Variants in HTRA4 observed in about 807,000 individuals in gnomAD.
HTRA4 encodes the protein serine protease HTRA4.
A neutral mutation model predicts 49.1 loss-of-function variants in HTRA4; 46 were observed. That is an observed-to-expected ratio of 0.94 (90% confidence interval 0.74 to 1.20). HTRA4 has a LOEUF of 1.20. Ranked by LOEUF, HTRA4 falls within the 50% of genes most tolerant of loss-of-function variation. The pLI is 0.00. For synonymous variants in HTRA4, 261 were observed against 264.0 expected (o/e 0.99, Z 0.11); for missense variants, 602 against 636.9 (o/e 0.95, Z 0.59).
At chr8:38,983,708 A>C (rs1266767093) in intron 8 of HTRA4, among the ~76,000 whole-genome samples, 1 of 151,936 alleles carries the variant, frequency 6.6e-6, no homozygotes. Flanking sequence ...TCTATTTAAA[A>C]ATTTTTAAAA....
intron 8 of HTRA4, among the ~76,000 whole-genome samples, chr8:38,983,525 CAA>C (rs1232805925): frequency 6.8e-6 from 1 of 146,666 alleles, no homozygotes; most frequent in African/African-American, 2.5e-5. Context: ...GACTCCACCT[CAA>C]AAAAAAAAAT....
chr8:38,979,195 T>G lies in HTRA4; in HGVS notation c.967-20T>G. On this transcript the variant is annotated intron_variant, in intron 4 of 8. Transcript: ENST00000302495. ...GTATTCATTAGCTTCACTGATGTCTTTTTCAAATTCTGCTTTTAGTATGGG... is the reference window on the plus strand; with the variant it reads ...GTATTCATTAGCTTCACTGATGTCTGTTTCAAATTCTGCTTTTAGTATGGG... 6.2e-7 allele frequency: 1 copy of G among 1,609,202 alleles called. No homozygotes were observed. Among genetic ancestry groups the G allele is most frequent in the Middle Eastern group, 1.7e-4 (1 of 6,060 alleles).
chr8:38,975,071 C>A lies in HTRA4; in HGVS notation c.507C>A (p.Phe169Leu), dbSNP rs758420397. 6.2e-6 allele frequency: 10 copies of A among 1,613,960 alleles called. No individual in the cohort carries two copies. The highest frequency in any genetic ancestry group is 1.7e-6 in the Non-Finnish European group (2 of 1,180,034). The part of the protein sequence containing the change: ...SAGPLRRNYN[F>L]IAAVVEKVAP... Reference sequence around the variant, plus strand: ...GCCCGCTCAGGAGGAATTACAACTTCATCGCCGCGGTGGTGGAGAAGGTGG... The same window carrying A: ...GCCCGCTCAGGAGGAATTACAACTTAATCGCCGCGGTGGTGGAGAAGGTGG... The change falls in exon 2 of 9, where the codon TTC becomes TTA. Residue 169 changes from phenylalanine (F) to leucine (L), a missense_variant. By Grantham distance (22) the Phe-to-Leu change is conservative (BLOSUM62 0). Transcript: ENST00000302495.
chr8:38,982,910 A>G (rs1467896518), intron 7 of HTRA4, 43 bp from the exon 8 acceptor site: 1 of 1,379,696 alleles, frequency 7.2e-7, no homozygotes, highest in African/African-American at 1.4e-5. Flanking sequence ...ACCAGGGCTC[A>G]GGAGACTAAT....
At chr8:38,978,767 G>C (rs759575014) in intron 4 of HTRA4, among the ~76,000 whole-genome samples, 14 of 151,434 alleles carry the variant, frequency 9.2e-5, no homozygotes, top group Non-Finnish European at 1.8e-4. Flanking sequence ...GAGGCCGAAG[G>C]GGGTGGATCA....
At chr8:38,977,542 A>G (rs1835368443) in intron 3 of HTRA4, among the ~76,000 whole-genome samples, 1 of 152,156 alleles carries the variant, frequency 6.6e-6, no homozygotes, top group Non-Finnish European at 1.5e-5. Context: ...TTGCATGCAC[A>G]TTACAGTGTG....
chr8:38,984,449 C>T (rs1008413991), intron 8 of HTRA4, among the ~76,000 whole-genome samples: 2 of 151,114 alleles, frequency 1.3e-5, no homozygotes, highest in Non-Finnish European at 3.0e-5. Context: ...CCTGTCTCTA[C>T]AAAAAATAAA....
intron 3 of HTRA4, 59 bp from the exon 4 acceptor site, chr8:38,977,894 T>G: frequency 1.3e-6 from 2 of 1,568,280 alleles, no homozygotes; most frequent in Non-Finnish European, 1.7e-6. Flanking sequence ...TGGTCAATTC[T>G]GATCGTGATT....
intron 5 of HTRA4, among the ~76,000 whole-genome samples, chr8:38,980,573 C>CAA (rs151157713): frequency 0.031 from 4,254 of 137,738 alleles, 83 homozygotes; most frequent in Non-Finnish European, 0.041. Flanking sequence ...ACCTAACATA[C>CAA]AAAAAAAAAA....
At chr8:38,978,753 T>C (rs1250180472) in intron 4 of HTRA4, among the ~76,000 whole-genome samples, 1 of 151,382 alleles carries the variant, frequency 6.6e-6, no homozygotes, top group Non-Finnish European at 1.5e-5. Flanking sequence ...TCCCAGCACT[T>C]TGGGAGGCCG....
intron 5 of HTRA4, among the ~76,000 whole-genome samples, chr8:38,980,914 T>A (rs1366406730): frequency 6.6e-6 from 1 of 152,146 alleles, no homozygotes; most frequent in Non-Finnish European, 1.5e-5. Context: ...TTACTGACAA[T>A]CCCACAGCTT....
In HTRA4 at chr8:38,981,763, GAA is replaced by G. The variant is rs773629759; in HGVS notation, c.1112_1113del (p.Lys371ArgfsTer7). 2.6e-3 allele frequency: 4,226 copies of G among 1,603,378 alleles called. 14 individuals carry two copies. Among genetic ancestry groups the G allele is most frequent in the Non-Finnish European group, 2.8e-3 (3,224 of 1,171,510 alleles). On this transcript the variant is annotated frameshift_variant and splice_region_variant, in exon 6 of 9. Coordinates refer to ENST00000302495, the MANE Select transcript of HTRA4 (RefSeq NM_153692.4). LOFTEE classifies it high-confidence loss of function. ...TGGCAGAATACCATGAGCACCAGAT[GAA>G]AGGTAAAGCAAGTTGGGATTTTTTT... Reference protein sequence around the residue: ...FLAEYHEHQMKGKAFSNKKYL... With the variant: ...FLAEYHEHQMXGKAFSNKKYL...
chr8:38,978,582 G>A (rs1001908570), intron 4 of HTRA4, among the ~76,000 whole-genome samples: 1 of 152,186 alleles, frequency 6.6e-6, no homozygotes, highest in South Asian at 2.1e-4. Context: ...GTCCAGGTTT[G>A]GTTGAATCAC....
Sources: allele counts gnomAD v4.1 joint callset (sites outside exome capture counted in the v4.1 genomes callset), GRCh38; gene constraint gnomAD v4.1.1; transcripts MANE v1.5; gene names NCBI Gene and HGNC (gene_info 2026-07-23, HGNC 2026-07-21).